The following CUL5 variants were observed in gnomAD, a reference collection of about 807,000 sequenced individuals.
CUL5 encodes cullin-5.
In CUL5, 26 loss-of-function variants were observed where a neutral mutation model predicts 108.8. The observed-to-expected ratio is 0.24, with a 90% confidence interval of 0.18 to 0.33. The LOEUF (loss-of-function observed/expected upper bound fraction) is 0.33. Ranked by LOEUF, CUL5 falls within the 10% of genes least tolerant of loss-of-function variation. The pLI, the probability that CUL5 is intolerant of heterozygous loss-of-function variation, is 1.00. For synonymous variants in CUL5, 334 were observed against 298.0 expected (o/e 1.12, Z -1.25); for missense variants, 524 against 909.2 (o/e 0.58, Z 5.45).
chr11:108,088,514 ATTTG>A lies in CUL5; in HGVS notation c.1179-9_1179-6del, dbSNP rs1388221492. 1 of 1,577,300 alleles carries A rather than the reference ATTTG, an allele frequency of 6.3e-7. No individual in the cohort carries two copies. Among genetic ancestry groups the A allele is most frequent in the South Asian group, 1.2e-5 (1 of 84,914 alleles). On this transcript the variant is annotated splice_polypyrimidine_tract_variant and intron_variant, in intron 11 of 18. Coordinates refer to ENST00000393094, the MANE Select transcript of CUL5 (RefSeq NM_003478.6). The stretch of plus-strand genomic sequence containing the variant: ...ATCATTTTTCCATCAACTGCTTTTA[ATTTG>A]TTTTTTAGGGTGGGATTAAAAACTC...
chr11:108,041,317 G>T (rs1261527535), intron 2 of CUL5, among the ~76,000 whole-genome samples: 1 of 144,002 alleles, frequency 6.9e-6, no homozygotes, highest in Non-Finnish European at 1.5e-5. Context: ...AGTCTCTGTT[G>T]CCCAGGCTGG....
chr11:108,021,305 A>G (rs959290683), intron 1 of CUL5, among the ~76,000 whole-genome samples: 19 of 152,204 alleles, frequency 1.2e-4, no homozygotes, highest in Admixed American at 6.5e-4. Context: ...TCAAAATGTT[A>G]TGGGCGTGTA....
At chr11:108,043,214 C>T (rs1862978060) in intron 2 of CUL5, among the ~76,000 whole-genome samples, 1 of 152,214 alleles carries the variant, frequency 6.6e-6, no homozygotes, top group Non-Finnish European at 1.5e-5. Context: ...GGACTACAGG[C>T]ATGTGCCACC....
At chr11:108,053,764 C>T (rs1250181574) in intron 5 of CUL5, among the ~76,000 whole-genome samples, 1 of 151,564 alleles carries the variant, frequency 6.6e-6, no homozygotes, top group African/African-American at 2.4e-5. Context: ...ATTGAGCCTC[C>T]ACCTCTCAGG....
chr11:108,030,949 G>T (rs562064075), intron 1 of CUL5, among the ~76,000 whole-genome samples: 2 of 152,268 alleles, frequency 1.3e-5, no homozygotes, highest in South Asian at 4.1e-4. Flanking sequence ...GTAGGTTGTT[G>T]TCAGATCATA....
rs75607759 is a variant in CUL5 at position 108,081,812 on chromosome 11, A to G, written c.1178+3572A>G. Reference sequence around the variant, plus strand: ...ATTTTTGAATGCTTAGTTCAGTTCTATTGGTTTATATATTTGTCCTTATGC... The same window carrying G: ...ATTTTTGAATGCTTAGTTCAGTTCTGTTGGTTTATATATTTGTCCTTATGC... On this transcript the variant is annotated intron_variant, in intron 11 of 18. Transcript: ENST00000393094. Among the ~76,000 whole-genome samples, 300 of 152,208 alleles carry G rather than the reference A, an allele frequency of 2.0e-3. 1 individual carries two copies. The highest frequency in any genetic ancestry group is 6.3e-3 in the African/African-American group (260 of 41,542).
At chr11:108,048,964 G>A (rs1201418306) in intron 3 of CUL5, among the ~76,000 whole-genome samples, 2 of 150,932 alleles carry the variant, frequency 1.3e-5, no homozygotes, top group African/African-American at 2.4e-5. Flanking sequence ...CGCACCTGCC[G>A]TGACTCCACC....
rs1397589789 is a variant in CUL5, at chr11:108,107,744, T to C, written c.*3360T>C. ...TTGTATAATTTATTTTCTTGCAAAA[T>C]AAAAATGTAATATAAAAGCTTTTAC... On this transcript the variant is annotated 3_prime_UTR_variant, in exon 19 of 19. Coordinates refer to ENST00000393094, the MANE Select transcript of CUL5 (RefSeq NM_003478.6). 1.3e-5 allele frequency: 2 copies of C among 152,470 alleles called. No individual in the cohort carries two copies. The highest frequency in any genetic ancestry group is 6.5e-5 in the Admixed American group (1 of 15,268). The allele number at this position is 152,470 out of a possible 1,614,324, so 9.4% of individuals were successfully genotyped here.
Position 108,072,428 on chromosome 11 carries a change from C to G in CUL5, c.971C>G (p.Ala324Gly). The G allele has an allele frequency of 6.2e-7, 1 of 1,610,746 alleles. No individual in the cohort carries two copies. The highest frequency in any genetic ancestry group is 8.5e-7 in the Non-Finnish European group (1 of 1,178,140). Residue 324 changes from alanine (A) to glycine (G), a missense_variant, in exon 9 of 19, where the codon GCA (alanine) becomes GGA (glycine). By Grantham distance (60) the Ala-to-Gly change is moderately conservative. Transcript: ENST00000393094. Reference protein sequence around the residue: ...LEEHIISAGLADMVAAAETIT... With the variant: ...LEEHIISAGLGDMVAAAETIT... Reference sequence around the variant, plus strand: ...GAACATATCATTAGTGCTGGCCTGGCAGATATGGTAGCAGCTGCTGAAACT... The same window carrying G: ...GAACATATCATTAGTGCTGGCCTGGGAGATATGGTAGCAGCTGCTGAAACT...
At chr11:108,027,007 AT>A (rs1321187596) in intron 1 of CUL5, among the ~76,000 whole-genome samples, 1 of 146,642 alleles carries the variant, frequency 6.8e-6, no homozygotes, top group Non-Finnish European at 1.5e-5. Context: ...AAAAAAAAAA[AT>A]TATTATTTTT....
intron 18 of CUL5, among the ~76,000 whole-genome samples, chr11:108,099,660 A>G (rs1265498941): frequency 6.6e-6 from 1 of 152,186 alleles, no homozygotes; most frequent in Non-Finnish European, 1.5e-5. Flanking sequence ...ATAAATATAT[A>G]TACCTATGTG....
In CUL5 at chr11:108,050,197, T is replaced by C. The variant is rs1863176780; in HGVS notation, c.411+131T>C. On this transcript the variant is annotated intron_variant, in intron 4 of 18. Coordinates refer to ENST00000393094, the MANE Select transcript of CUL5 (RefSeq NM_003478.6). ...TGTCAATTGCTTTTCAGCTCTTAAC[T>C]AGATTTTATTGAATAATATTCTTTT... 11 of 630,696 alleles carry C rather than the reference T, an allele frequency of 1.7e-5. No individual in the cohort carries two copies. The East Asian group carries it at 3.2e-4, about 18-fold the overall frequency. 39.1% of individuals were successfully genotyped at this position (630,696 alleles called of 1,614,324 possible). A position where few individuals can be genotyped will look rare whatever the true frequency, so the allele number is the denominator to read the frequency against.
At chr11:108,052,242 A>T (rs931357625) in intron 4 of CUL5, among the ~76,000 whole-genome samples, 3 of 152,160 alleles carry the variant, frequency 2.0e-5, no homozygotes, top group African/African-American at 7.2e-5. Context: ...AGGTTTTGGG[A>T]TTAGACCACA....
chr11:108,025,197 C>T (rs1258604928), intron 1 of CUL5, among the ~76,000 whole-genome samples: 4 of 152,124 alleles, frequency 2.6e-5, no homozygotes, highest in Non-Finnish European at 5.9e-5. Context: ...CCTTTTTGGT[C>T]ATATAGAATA....
chr11:108,039,085 A>G (rs950093100), intron 2 of CUL5, among the ~76,000 whole-genome samples: 8 of 151,730 alleles, frequency 5.3e-5, no homozygotes, highest in Admixed American at 4.6e-4. Flanking sequence ...CAATGGCGCA[A>G]TCTCGGCTCA....
At chr11:108,078,138 A>G in intron 10 of CUL5, 38 bp from the exon 11 acceptor site, 1 of 1,176,498 alleles carries the variant, frequency 8.5e-7, no homozygotes, top group Non-Finnish European at 1.2e-6. Flanking sequence ...GTATATTTTC[A>G]ATATTAAAAA....
Position 108,105,586 on chromosome 11 carries a change from T to C in CUL5, c.*1202T>C, listed in dbSNP as rs951643305. ...AATCGTCAGAAGGCAACATTTACCATGTTCCTTTCAGTCTATCCAAAGTAG... is the reference window on the plus strand; with the variant it reads ...AATCGTCAGAAGGCAACATTTACCACGTTCCTTTCAGTCTATCCAAAGTAG... On this transcript the variant is annotated 3_prime_UTR_variant, in exon 19 of 19. Coordinates refer to ENST00000393094, the MANE Select transcript of CUL5 (RefSeq NM_003478.6). The C allele has an allele frequency of 6.6e-6, 1 of 152,186 alleles. No homozygotes were observed. The highest frequency in any genetic ancestry group is 2.4e-5 in the African/African-American group (1 of 41,460). 9.4% of individuals were successfully genotyped at this position (152,186 alleles called of 1,614,324 possible).
intron 2 of CUL5, among the ~76,000 whole-genome samples, chr11:108,042,736 A>G (rs896773343): frequency 2.2e-4 from 34 of 151,882 alleles, no homozygotes; most frequent in Admixed American, 1.3e-4. Flanking sequence ...AGTTGTAAAC[A>G]TATTATAATC....
Position 108,046,322 on chromosome 11 carries a change from C to G in CUL5, c.187C>G (p.Gln63Glu), listed in dbSNP as rs973855568. Residue 63 changes from glutamine to glutamate, a missense_variant, in exon 3 of 19, where the codon CAG becomes GAG. Transcript: ENST00000393094. ...WDDKGPAKIH[Q>E]ALKEDILEFI... ...TGATAAAGGCCCAGCAAAAATTCATCAGGCTTTAAAAGAAGATATTCTTGA... is the reference window on the plus strand; with the variant it reads ...TGATAAAGGCCCAGCAAAAATTCATGAGGCTTTAAAAGAAGATATTCTTGA... The G allele has an allele frequency of 3.7e-6, 6 of 1,613,020 alleles. No individual in the cohort carries two copies. The highest frequency in any genetic ancestry group is 1.7e-4 in the Middle Eastern group (1 of 6,056).
Sources: gnomAD v4.1 joint callset for allele counts (sites outside exome capture counted in the v4.1 genomes callset) on GRCh38, gnomAD v4.1.1 for gene constraint, MANE v1.5 for transcripts, NCBI Gene and HGNC (gene_info 2026-07-23, HGNC 2026-07-21) for gene names.